Variants in ANGPTL4 observed in about 807,000 individuals in gnomAD.
ANGPTL4 encodes angiopoietin-related protein 4.
In ANGPTL4, 39 loss-of-function variants were observed where a neutral mutation model predicts 39.2. The observed-to-expected ratio is 1.00, with a 90% CI of 0.77 to 1.30. The LOEUF (loss-of-function observed/expected upper bound fraction) is 1.30. Ranked by LOEUF, ANGPTL4 falls within the 50% of genes most tolerant of loss-of-function variation. ANGPTL4 has a pLI of 0.00. For synonymous variants in ANGPTL4, 233 were observed against 229.5 expected (o/e 1.02, Z -0.14); for missense variants, 545 against 549.8 (o/e 0.99, Z 0.09).
chr19:8,364,247 G>A lies in ANGPTL4; in HGVS notation c.-75G>A. 1.4e-6 allele frequency: 2 copies of A among 1,447,634 alleles called. No individual in the cohort carries two copies. The highest frequency in any genetic ancestry group is 1.3e-5 in the South Asian group (1 of 78,228). 89.7% of individuals were successfully genotyped at this position (1,447,634 alleles called of 1,614,324 possible). On this transcript the variant is annotated 5_prime_UTR_variant, in exon 1 of 7. Coordinates refer to ENST00000301455, the MANE Select transcript of ANGPTL4 (RefSeq NM_139314.3). ...GCGGGTCTTACCCCCGGTCCTCCGC[G>A]TCTCCAGTCCTCGCACCTGGAACCC...
Position 8,364,403 on chromosome 19 carries a change from G to T in ANGPTL4, c.82G>T (p.Val28Leu). ...GCTACTGAGCGCTCAGGGCGGACCC[G>T]TGCAGTCCAAGTCGCCGCGCTTTGC... ...AVLLSAQGGP[V>L]QSKSPRFASW... Residue 28 changes from valine (V) to leucine (L), a missense_variant, in exon 1 of 7, where the codon GTG becomes TTG. By Grantham distance (32) the Val-to-Leu change is conservative. Coordinates refer to ENST00000301455, the MANE Select transcript of ANGPTL4 (RefSeq NM_139314.3). The T allele has an allele frequency of 6.5e-7, 1 of 1,547,148 alleles. No homozygotes were observed.
In ANGPTL4 at chr19:8,365,951, C is replaced by G. The variant is rs577445388; in HGVS notation, c.319-3C>G. ...CCTCACCAAGGTTTTCACCCCTCCC[C>G]AGACACAACTCAAGGCTCAGAACAG... On this transcript the variant is annotated splice_region_variant and splice_polypyrimidine_tract_variant and intron_variant, in intron 1 of 6. Coordinates refer to ENST00000301455, the MANE Select transcript of ANGPTL4 (RefSeq NM_139314.3). The G allele has an allele frequency of 6.2e-7, 1 of 1,613,728 alleles. No individual in the cohort carries two copies.
At position 8,374,080 on chromosome 19, in the gene ANGPTL4, T is replaced by G; in HGVS notation, c.*194T>G. 1.6e-6 allele frequency: 1 copy of G among 617,982 alleles called. No homozygotes were observed. Among genetic ancestry groups the G allele is most frequent in the Non-Finnish European group, 2.8e-6 (1 of 352,750 alleles). The allele number at this position is 617,982 out of a possible 1,614,324, so 38.3% of individuals were successfully genotyped here. The stretch of plus-strand genomic sequence containing the variant: ...GGGCTGCATGCGTTGCCTCCTGAGA[T>G]CGAGGCTGCAGGATATGCTCAGACT... On this transcript the variant is annotated 3_prime_UTR_variant, in exon 7 of 7. Transcript: ENST00000301455.
At chr19:8,372,359 A>G (rs975127439) in intron 6 of ANGPTL4, among the ~76,000 whole-genome samples, 39 of 150,110 alleles carry the variant, frequency 2.6e-4, no homozygotes, top group Non-Finnish European at 5.0e-4. Context: ...ATACCCGGCC[A>G]CAAACATCTT....
chr19:8,373,612 A>G (rs1045914860), intron 6 of ANGPTL4, 93 bp from the exon 7 acceptor site: 57 of 1,576,448 alleles, frequency 3.6e-5, no homozygotes, highest in Non-Finnish European at 4.7e-5. Flanking sequence ...CTGGTCCCCA[A>G]CCTGCCTCAT....
intron 3 of ANGPTL4, among the ~76,000 whole-genome samples, chr19:8,367,698 C>G (rs1310743317): frequency 6.6e-6 from 1 of 152,206 alleles, no homozygotes; most frequent in Non-Finnish European, 1.5e-5. Flanking sequence ...CTCTTTCTTT[C>G]CTCAACCCTG....
chr19:8,369,186 C>T (rs1397109416), intron 3 of ANGPTL4, 33 bp from the exon 4 acceptor site: 4 of 1,579,920 alleles, frequency 2.5e-6, no homozygotes, highest in South Asian at 1.1e-5. Context: ...GGGCTGCCCT[C>T]CTGTTTCAAG....
intron 3 of ANGPTL4, among the ~76,000 whole-genome samples, chr19:8,366,740 A>G (rs2145472928): frequency 6.6e-6 from 1 of 151,864 alleles, no homozygotes; most frequent in African/African-American, 2.4e-5. Flanking sequence ...GCCCTCCACA[A>G]TGTCTTGGGG....
At chr19:8,364,753 C>T (rs1970965961) in intron 1 of ANGPTL4, 114 bp downstream of exon 1, 1 of 1,325,204 alleles carries the variant, frequency 7.5e-7, no homozygotes, top group Admixed American at 2.0e-5. Flanking sequence ...CCCTGGGCTT[C>T]CCTGCGTCAA....
At chr19:8,364,967 G>T (rs963233584) in intron 1 of ANGPTL4, among the ~76,000 whole-genome samples, 4 of 151,980 alleles carry the variant, frequency 2.6e-5, no homozygotes, top group Non-Finnish European at 1.5e-5. Context: ...ACCTGCTGTC[G>T]AGACTAGCCT....
In ANGPTL4 at chr19:8,364,342, CG is replaced by C; in HGVS notation, c.25del (p.Ala9GlnfsTer3). The C allele has an allele frequency of 6.5e-7, 1 of 1,546,622 alleles. No individual in the cohort carries two copies. ...AGAGGATGAGCGGTGCTCCGACGGC[CG>C]GGGCAGCCCTGATGCTCTGCGCCGC... MSGAPTAGAALMLCAATA... is the reference protein window; with the variant it reads MSGAPTAXAALMLCAATA... On this transcript the variant is annotated frameshift_variant, in exon 1 of 7. Transcript: ENST00000301455. LOFTEE classifies it high-confidence loss of function.
chr19:8,364,956 C>T (rs1167102123), intron 1 of ANGPTL4, among the ~76,000 whole-genome samples: 3 of 151,998 alleles, frequency 2.0e-5, no homozygotes, highest in African/African-American at 4.8e-5. Flanking sequence ...ACGGAGCCTC[C>T]ACCTGCTGTC....
chr19:8,364,397 G>C lies in ANGPTL4; in HGVS notation c.76G>C (p.Gly26Arg), dbSNP rs1419581329. 1.3e-6 allele frequency: 2 copies of C among 1,546,566 alleles called. No individual in the cohort carries two copies. The highest frequency in any genetic ancestry group is 1.7e-6 in the Non-Finnish European group (2 of 1,149,450). Residue 26 changes from glycine (G) to arginine (R), a missense_variant, in exon 1 of 7, where the codon GGA (glycine) becomes CGA (arginine). By Grantham distance (125) the Gly-to-Arg change is moderately radical (BLOSUM62 -2). Transcript: ENST00000301455. The part of the protein sequence containing the change: ...ATAVLLSAQG[G>R]PVQSKSPRFA... ...CGCCGTGCTACTGAGCGCTCAGGGC[G>C]GACCCGTGCAGTCCAAGTCGCCGCG...
At chr19:8,368,523 AG>A (rs775074055) in intron 3 of ANGPTL4, among the ~76,000 whole-genome samples, 1 of 152,100 alleles carries the variant, frequency 6.6e-6, no homozygotes, top group Non-Finnish European at 1.5e-5. Flanking sequence ...GAGGCAAGGC[AG>A]GGTGTCCTTC....
At position 8,374,219 on chromosome 19, in the gene ANGPTL4, C is replaced by T. The variant is rs1801507; in HGVS notation, c.*333C>T. 3,033 of 358,698 alleles carry T rather than the reference C, an allele frequency of 8.5e-3. 88 individuals carry two copies. Among genetic ancestry groups the T allele is most frequent in the African/African-American group, 0.058 (2,791 of 47,838 alleles). The allele number at this position is 358,698 out of a possible 1,614,324, so 22.2% of individuals were successfully genotyped here. A position where few individuals can be genotyped will look rare whatever the true frequency, so the allele number is the denominator to read the frequency against. ...CTGGCCTCAATGGCGGACTCAGTCACATTGACTGACGGGGACCAGGGCTTG... is the reference window on the plus strand; with the variant it reads ...CTGGCCTCAATGGCGGACTCAGTCATATTGACTGACGGGGACCAGGGCTTG... On this transcript the variant is annotated 3_prime_UTR_variant, in exon 7 of 7. Transcript: ENST00000301455.
chr19:8,368,022 G>GTTTTTTTT (rs1568216266), intron 3 of ANGPTL4, among the ~76,000 whole-genome samples: 6 of 73,220 alleles, frequency 8.2e-5, no homozygotes, highest in African/African-American at 1.9e-4. Context: ...CATTTATCAA[G>GTTTTTTTT]TCTTTTTTTT....
chr19:8,369,394 T>A, intron 4 of ANGPTL4, 62 bp downstream of exon 4: 1 of 1,309,546 alleles, frequency 7.6e-7, no homozygotes. Context: ...TTTCTTTAAA[T>A]TGAAAACAAA....
intron 3 of ANGPTL4, among the ~76,000 whole-genome samples, chr19:8,367,103 TC>T (rs1170555212): frequency 1.3e-5 from 2 of 152,012 alleles, no homozygotes; most frequent in Non-Finnish European, 2.9e-5. Context: ...AAAGTTTGGA[TC>T]CCCCTCTCAC....
At chr19:8,364,772 C>G in intron 1 of ANGPTL4, 133 bp downstream of exon 1, 1 of 1,177,776 alleles carries the variant, frequency 8.5e-7, no homozygotes, top group Non-Finnish European at 1.2e-6. Flanking sequence ...AAGGGATGGG[C>G]TCCCCCCTTA....
Sources: gnomAD v4.1 joint callset for allele counts (sites outside exome capture counted in the v4.1 genomes callset) on GRCh38, gnomAD v4.1.1 for gene constraint, MANE v1.5 for transcripts, NCBI Gene and HGNC (gene_info 2026-07-23, HGNC 2026-07-21) for gene names.